TCF12: variants seen among roughly 807,000 people sequenced by gnomAD.
TCF12 encodes the protein DNA-binding protein HTF4.
A neutral mutation model predicts 86.0 loss-of-function variants in TCF12; 45 were observed. The observed-to-expected ratio is 0.52, with a 90% CI of 0.41 to 0.67. The LOEUF is 0.67. Ranked by LOEUF, TCF12 falls within the 30% of genes least tolerant of loss-of-function variation. The pLI is 0.00. For synonymous variants in TCF12, 330 were observed against 299.6 expected (o/e 1.10, Z -1.05); for missense variants, 881 against 859.9 (o/e 1.02, Z -0.31).
intron 3 of TCF12, among the ~76,000 whole-genome samples, chr15:57,043,784 T>A (rs750498144): frequency 3.9e-5 from 6 of 152,218 alleles, no homozygotes; most frequent in African/African-American, 7.2e-5. Flanking sequence ...GTTTAAGTTA[T>A]TTCTTCAAGA....
intron 8 of TCF12, among the ~76,000 whole-genome samples, chr15:57,212,037 A>G: frequency 6.6e-6 from 1 of 151,774 alleles, no homozygotes; most frequent in East Asian, 1.9e-4. Context: ...ACCTGGTATC[A>G]TCTATGCCAG....
At chr15:57,170,379 A>G (rs1366813351) in intron 6 of TCF12, among the ~76,000 whole-genome samples, 1 of 151,490 alleles carries the variant, frequency 6.6e-6, no homozygotes, top group African/African-American at 2.4e-5. Context: ...TAGAGTCAAG[A>G]GACCTAGGTT....
At chr15:57,070,417 C>T (rs1014888652) in intron 4 of TCF12, among the ~76,000 whole-genome samples, 1 of 152,136 alleles carries the variant, frequency 6.6e-6, no homozygotes, top group Non-Finnish European at 1.5e-5. Flanking sequence ...TTAAGTATTT[C>T]TCCAGTCTTC....
Position 57,148,736 on chromosome 15 carries a change from G to A in TCF12, c.326-17666G>A, listed in dbSNP as rs367865626. Among the ~76,000 whole-genome samples, 13 of 151,534 alleles carry A rather than the reference G, an allele frequency of 8.6e-5. No individual in the cohort carries two copies. The East Asian group carries it at 2.3e-3, about 27-fold the overall frequency. On this transcript the variant is annotated intron_variant, in intron 5 of 20. Coordinates refer to ENST00000333725, the MANE Select transcript of TCF12 (RefSeq NM_207037.2). ...AAAAAAAAATACAAAATTTAGCTGG[G>A]CATGGTGGTGTGCACCTGTGGTCCC...
At chr15:57,043,944 T>C (rs1156694345) in intron 3 of TCF12, among the ~76,000 whole-genome samples, 1 of 149,204 alleles carries the variant, frequency 6.7e-6, no homozygotes, top group Non-Finnish European at 1.5e-5. Flanking sequence ...CATATTAAAC[T>C]TTTTTTTTTA....
Position 57,286,478 on chromosome 15 carries a change from C to G in TCF12, c.*333C>G. On this transcript the variant is annotated 3_prime_UTR_variant, in exon 21 of 21. Coordinates refer to ENST00000333725, the MANE Select transcript of TCF12 (RefSeq NM_207037.2). ...CCGTGGAAGTTGCCTTGTGCCTAAACTGAATTGACAAATGCATTGTAACTA... is the reference window on the plus strand; with the variant it reads ...CCGTGGAAGTTGCCTTGTGCCTAAAGTGAATTGACAAATGCATTGTAACTA... The G allele has an allele frequency of 5.4e-6, 2 of 369,696 alleles. No homozygotes were observed. The highest frequency in any genetic ancestry group is 1.1e-5 in the Non-Finnish European group (2 of 185,518). The allele number at this position is 369,696 out of a possible 1,614,324, so 22.9% of individuals were successfully genotyped here.
chr15:57,046,512 C>T (rs191980291), intron 3 of TCF12, among the ~76,000 whole-genome samples: 6 of 152,106 alleles, frequency 3.9e-5, no homozygotes, highest in East Asian at 1.9e-4. Context: ...GTATGATCTC[C>T]GCTCACTGCA....
intron 8 of TCF12, chr15:57,218,948 A>G: frequency 1.2e-6 from 1 of 821,880 alleles, no homozygotes; most frequent in South Asian, 5.7e-5. Context: ...ATTTTGTACA[A>G]GATTTAACTG....
intron 5 of TCF12, among the ~76,000 whole-genome samples, chr15:57,115,390 G>A (rs915767112): frequency 1.3e-5 from 2 of 152,172 alleles, no homozygotes; most frequent in African/African-American, 2.4e-5. Context: ...ATACATTCTA[G>A]TAATTTTTGA....
chr15:56,944,312 C>G (rs1209478830), intron 3 of TCF12, among the ~76,000 whole-genome samples: 4 of 152,048 alleles, frequency 2.6e-5, no homozygotes, highest in Non-Finnish European at 5.9e-5. Context: ...TAGGTTGGAA[C>G]AGAATTAAGT....
intron 3 of TCF12, among the ~76,000 whole-genome samples, chr15:56,981,040 A>G (rs1448740490): frequency 1.3e-5 from 2 of 152,178 alleles, no homozygotes; most frequent in Admixed American, 6.5e-5. Flanking sequence ...TGCATTTTCA[A>G]TAATAAATTC....
chr15:57,027,122 G>A (rs1306846767), intron 3 of TCF12, among the ~76,000 whole-genome samples: 6 of 152,024 alleles, frequency 3.9e-5, no homozygotes, highest in African/African-American at 1.4e-4. Context: ...ACATTTTAAT[G>A]TATGATAAGA....
intron 13 of TCF12, among the ~76,000 whole-genome samples, chr15:57,244,164 C>A (rs1289921401): frequency 6.6e-6 from 1 of 152,140 alleles, no homozygotes; most frequent in Non-Finnish European, 1.5e-5. Flanking sequence ...CAGGTGTCAG[C>A]CGCCATACCT....
intron 12 of TCF12, among the ~76,000 whole-genome samples, chr15:57,237,036 T>G (rs1327188285): frequency 2.0e-5 from 3 of 152,110 alleles, no homozygotes; most frequent in African/African-American, 7.2e-5. Context: ...GGTCTTTAAT[T>G]TAGAGGAGAT....
In TCF12 at chr15:56,976,224, C is replaced by CTTTT. The variant is rs35959497; in HGVS notation, c.148+55147_148+55150dup. On this transcript the variant is annotated intron_variant, in intron 3 of 20. Coordinates refer to ENST00000333725, the MANE Select transcript of TCF12 (RefSeq NM_207037.2). ...CTAAATAGTAGATAAAAGGAAGTTT[C>CTTTT]TTTTTTTTTTTTTTTTTTTTTTTTG... is the stretch of plus-strand genomic sequence containing the variant. 3.8e-4 allele frequency among the ~76,000 whole-genome samples: 22 copies of CTTTT among 57,364 alleles called. 1 individual carries two copies. Among genetic ancestry groups the CTTTT allele is most frequent in the African/African-American group, 5.7e-4 (8 of 14,090 alleles). 37.6% of individuals were successfully genotyped at this position (57,364 alleles called of 152,430 possible). A position where few individuals can be genotyped will look rare whatever the true frequency, so the allele number is the denominator to read the frequency against.
chr15:57,189,927 GCT>G, intron 6 of TCF12, among the ~76,000 whole-genome samples: 2 of 152,172 alleles, frequency 1.3e-5, no homozygotes, highest in Admixed American at 1.3e-4. Flanking sequence ...TTTGATACAA[GCT>G]GTAATATAGA....
chr15:57,182,617 C>T (rs2056425116), intron 6 of TCF12, among the ~76,000 whole-genome samples: 2 of 152,184 alleles, frequency 1.3e-5, no homozygotes, highest in East Asian at 3.9e-4. Context: ...GTGATTAGGA[C>T]AGCTGAAAGA....
chr15:57,071,890 A>G (rs2069421697), intron 4 of TCF12, among the ~76,000 whole-genome samples: 1 of 152,220 alleles, frequency 6.6e-6, no homozygotes, highest in African/African-American at 2.4e-5. Flanking sequence ...TGGAAACAGT[A>G]CAGTGGTCTC....
chr15:57,124,755 G>C (rs1407087886), intron 5 of TCF12, among the ~76,000 whole-genome samples: 1 of 151,672 alleles, frequency 6.6e-6, no homozygotes, highest in Non-Finnish European at 1.5e-5. Context: ...TCGGCTCACT[G>C]CAAGCTCCGT....
Sources: gnomAD v4.1 joint callset for allele counts (sites outside exome capture counted in the v4.1 genomes callset) on GRCh38, gnomAD v4.1.1 for gene constraint, MANE v1.5 for transcripts, NCBI Gene and HGNC (gene_info 2026-07-23, HGNC 2026-07-21) for gene names.